The following RBFOX1 variants were observed in gnomAD, a reference collection of about 807,000 sequenced individuals.
RBFOX1 encodes the protein RNA binding fox-1 homolog 1.
In RBFOX1, 8 loss-of-function variants were observed where a neutral mutation model predicts 57.7. That is an observed-to-expected ratio of 0.14 (90% CI 0.08 to 0.25). RBFOX1 has a LOEUF of 0.25. RBFOX1 is among the 10% of genes least tolerant of loss of function. The pLI is 1.00. For missense variants in RBFOX1, 611 were observed against 548.5 expected, an observed-to-expected ratio of 1.11 and a Z score of -1.14; for synonymous variants, 326 against 222.4, an observed-to-expected ratio of 1.47 and a Z score of -4.15.
intron 1 of RBFOX1, among the ~76,000 whole-genome samples, chr16:6,168,678 C>A (rs980334351): frequency 1.3e-5 from 2 of 152,136 alleles, no homozygotes; most frequent in Admixed American, 6.5e-5. Flanking sequence ...TTTTCTCTCA[C>A]CTCTGCCACT....
At position 6,074,637 on chromosome 16, in the gene RBFOX1, A is replaced by G. The variant is rs541798002; in HGVS notation, c.-127+54645A>G. Among the ~76,000 whole-genome samples the G allele has an allele frequency of 7.7e-4, 118 of 152,296 alleles. 1 individual carries two copies. Among genetic ancestry groups the G allele is most frequent in the African/African-American group, 2.7e-3 (113 of 41,556 alleles). On this transcript the variant is annotated intron_variant, in intron 1 of 15. Transcript: ENST00000550418. ...GGGCTCAATTCTGAACGCAACAACC[A>G]AAAGTGGTGATTTATAGCCAGGAAG...
chr16:7,481,101 C>A (rs979504721), intron 4 of RBFOX1, among the ~76,000 whole-genome samples: 1 of 152,126 alleles, frequency 6.6e-6, no homozygotes, highest in Non-Finnish European at 1.5e-5. Context: ...GACAGTTGCC[C>A]TCCATCTCTG....
intron 3 of RBFOX1, among the ~76,000 whole-genome samples, chr16:6,759,153 T>C (rs1229481139): frequency 6.6e-6 from 1 of 150,978 alleles, no homozygotes; most frequent in African/African-American, 2.4e-5. Flanking sequence ...TCAATTCTTT[T>C]TTTTTTTTCT....
intron 4 of RBFOX1, chr16:7,510,260 C>G: frequency 1.0e-6 from 1 of 985,816 alleles, no homozygotes; most frequent in Non-Finnish European, 1.2e-6. Context: ...TGGTGTGGGA[C>G]AAGAACAGCT....
chr16:6,445,995 CT>C (rs1438858658), intron 2 of RBFOX1, among the ~76,000 whole-genome samples: 1 of 151,846 alleles, frequency 6.6e-6, no homozygotes, highest in Non-Finnish European at 1.5e-5. Flanking sequence ...GATAGGGTCT[CT>C]GTTTGTCATT....
chr16:5,387,928 G>T (rs1393118844), intron 1 of RBFOX1, among the ~76,000 whole-genome samples: 1 of 152,198 alleles, frequency 6.6e-6, no homozygotes, highest in Non-Finnish European at 1.5e-5. Flanking sequence ...TCTCATGGGA[G>T]AGAAACTCCG....
intron 4 of RBFOX1, among the ~76,000 whole-genome samples, chr16:7,063,152 G>A (rs1011976251): frequency 3.3e-5 from 5 of 151,840 alleles, no homozygotes; most frequent in Admixed American, 1.3e-4. Context: ...TTGGTTTAGG[G>A]CACACGCAGG....
chr16:7,140,532 C>T (rs1178507019), intron 4 of RBFOX1, among the ~76,000 whole-genome samples: 1 of 152,024 alleles, frequency 6.6e-6, no homozygotes, highest in African/African-American at 2.4e-5. Flanking sequence ...TTAATAAATA[C>T]ATCTTTTAAG....
At chr16:7,271,301 C>G (rs563948500) in intron 4 of RBFOX1, among the ~76,000 whole-genome samples, 1 of 151,494 alleles carries the variant, frequency 6.6e-6, no homozygotes, top group Non-Finnish European at 1.5e-5. Context: ...ATCTTCCTAG[C>G]TGCAAAAAGA....
chr16:6,017,330 G>C (rs1459477185), upstream of RBFOX1, among the ~76,000 whole-genome samples: 1 of 152,072 alleles, frequency 6.6e-6, no homozygotes, highest in Non-Finnish European at 1.5e-5. Context: ...TATCATTATT[G>C]ATAATTTGCT....
intron 1 of RBFOX1, among the ~76,000 whole-genome samples, chr16:6,178,893 T>C (rs2097037680): frequency 6.6e-6 from 1 of 152,216 alleles, no homozygotes; most frequent in Non-Finnish European, 1.5e-5. Flanking sequence ...CCAGCTCCCA[T>C]AGCTGAATAC....
intron 4 of RBFOX1, among the ~76,000 whole-genome samples, chr16:5,948,420 C>T (rs890969785): frequency 6.6e-6 from 1 of 152,114 alleles, no homozygotes; most frequent in Non-Finnish European, 1.5e-5. Flanking sequence ...GGTTGAACAG[C>T]GTCTGCCCAA....
At chr16:7,319,759 T>G (rs1422503476) in intron 4 of RBFOX1, among the ~76,000 whole-genome samples, 1 of 152,104 alleles carries the variant, frequency 6.6e-6, no homozygotes, top group Non-Finnish European at 1.5e-5. Flanking sequence ...GGAAGTAGGA[T>G]TTGGGATCGG....
At chr16:6,127,671 G>T (rs531480072) in intron 1 of RBFOX1, among the ~76,000 whole-genome samples, 2 of 152,198 alleles carry the variant, frequency 1.3e-5, no homozygotes, top group African/African-American at 4.8e-5. Context: ...TTATGGCTTT[G>T]TTCACATCAT....
intron 3 of RBFOX1, among the ~76,000 whole-genome samples, chr16:5,755,747 C>G (rs897445359): frequency 2.0e-5 from 3 of 152,100 alleles, no homozygotes; most frequent in Non-Finnish European, 4.4e-5. Flanking sequence ...TACAGGCATG[C>G]ATCTCCATGC....
In RBFOX1 at chr16:7,660,095, G is replaced by A. The variant is rs573528115; in HGVS notation, c.891-4834G>A. ...TTTCTATAAGAATATACTTGTGGCTGGTATATATCATATTACACGAGCAGA... is the reference window on the plus strand; with the variant it reads ...TTTCTATAAGAATATACTTGTGGCTAGTATATATCATATTACACGAGCAGA... On this transcript the variant is annotated intron_variant, in intron 12 of 15. Coordinates refer to ENST00000550418, the MANE Select transcript of RBFOX1 (RefSeq NM_018723.4). 2.2e-3 allele frequency among the ~76,000 whole-genome samples: 331 copies of A among 152,052 alleles called. 1 individual carries two copies. Among genetic ancestry groups the A allele is most frequent in the Non-Finnish European group, 3.7e-3 (254 of 67,996 alleles).
intron 1 of RBFOX1, among the ~76,000 whole-genome samples, chr16:5,299,645 A>G (rs551038633): frequency 1.1e-4 from 16 of 152,264 alleles, no homozygotes; most frequent in African/African-American, 3.6e-4. Flanking sequence ...TTATATGTTG[A>G]CTTCATATCT....
intron 2 of RBFOX1, among the ~76,000 whole-genome samples, chr16:5,577,525 A>G (rs80235990): frequency 0.068 from 10,340 of 152,236 alleles, 1,026 homozygotes; most frequent in African/African-American, 0.22. Flanking sequence ...AGAATGAATA[A>G]TCTATGTAGT....
chr16:7,476,427 A>G (rs2062719360), intron 4 of RBFOX1, among the ~76,000 whole-genome samples: 1 of 152,246 alleles, frequency 6.6e-6, no homozygotes, highest in Non-Finnish European at 1.5e-5. Flanking sequence ...AAAATGCCTG[A>G]CACGTAAAGA....
Sources: gnomAD v4.1 joint callset for allele counts (sites outside exome capture counted in the v4.1 genomes callset) on GRCh38, gnomAD v4.1.1 for gene constraint, MANE v1.5 for transcripts, NCBI Gene and HGNC (gene_info 2026-07-23, HGNC 2026-07-21) for gene names.